MAEA: variants seen among roughly 807,000 people sequenced by gnomAD.
MAEA encodes macrophage erythroblast attacher, E3 ubiquitin ligase, also known as E3 ubiquitin-protein transferase MAEA.
MAEA carries 22 observed loss-of-function variants against 46.2 expected under a neutral mutation model. The observed-to-expected ratio is 0.48, with a 90% CI of 0.34 to 0.68. MAEA has a LOEUF of 0.68. Ranked by LOEUF, MAEA falls within the 30% of genes least tolerant of loss-of-function variation. MAEA has a pLI of 0.01. For missense variants in MAEA, 393 were observed against 558.1 expected, an observed-to-expected ratio of 0.70 and a Z score of 2.98; for synonymous variants, 246 against 222.6, an observed-to-expected ratio of 1.11 and a Z score of -0.94.
intron 1 of MAEA, among the ~76,000 whole-genome samples, chr4:1,310,912 C>G (rs1434484666): frequency 6.6e-6 from 1 of 152,242 alleles, no homozygotes; most frequent in Non-Finnish European, 1.5e-5. Flanking sequence ...CCCTGGCTGT[C>G]CCTACTTCTG....
intron 1 of MAEA, among the ~76,000 whole-genome samples, chr4:1,308,230 C>T (rs1358756438): frequency 6.6e-6 from 1 of 151,954 alleles, no homozygotes; most frequent in Non-Finnish European, 1.5e-5. Context: ...TGGAACACAT[C>T]GAAACATAGA....
At chr4:1,309,347 TG>T (rs1736145190) in intron 1 of MAEA, 1 of 1,055,214 alleles carries the variant, frequency 9.5e-7, no homozygotes, top group Non-Finnish European at 1.2e-6. Flanking sequence ...AAGGGGCTCT[TG>T]CTAACCAGCC....
At chr4:1,294,107 C>G (rs956570930) in intron 1 of MAEA, among the ~76,000 whole-genome samples, 2 of 152,212 alleles carry the variant, frequency 1.3e-5, no homozygotes, top group Non-Finnish European at 1.5e-5. Context: ...TTTCGATGTA[C>G]TTTATCTGCA....
intron 2 of MAEA, among the ~76,000 whole-genome samples, chr4:1,314,196 G>A (rs1284766008): frequency 2.7e-5 from 4 of 149,786 alleles, no homozygotes; most frequent in African/African-American, 4.9e-5. Context: ...CGGGCATGGT[G>A]TACGCCTGTG....
intron 1 of MAEA, 140 bp downstream of exon 1, chr4:1,290,122 C>G: frequency 2.7e-6 from 1 of 373,826 alleles, no homozygotes; most frequent in Non-Finnish European, 4.2e-6. Flanking sequence ...GTGCGGGCTT[C>G]TCAGGGGCGC....
In MAEA at chr4:1,315,303, T is replaced by C. The variant is rs1736985119; in HGVS notation, c.253-94T>C. 8 of 1,162,560 alleles carry C rather than the reference T, an allele frequency of 6.9e-6. No homozygotes were observed. The South Asian group carries it at 1.1e-4, about 16-fold the overall frequency. The allele number at this position is 1,162,560 out of a possible 1,614,324, so 72.0% of individuals were successfully genotyped here. A position where few individuals can be genotyped will look rare whatever the true frequency, so the allele number is the denominator to read the frequency against. On this transcript the variant is annotated intron_variant, in intron 2 of 8. Transcript: ENST00000303400. ...GTCCCGTAATCCCTGCTTTTCTCCT[T>C]GTGAGTGTTGTGGATTGGGGCAGCC...
rs568172298 is a variant in MAEA, at chr4:1,296,809, C to T, written c.69+6827C>T. Among the ~76,000 whole-genome samples, 270 of 152,260 alleles carry T rather than the reference C, an allele frequency of 1.8e-3. 1 individual carries two copies. The highest frequency in any genetic ancestry group is 5.7e-3 in the African/African-American group (235 of 41,544). ...CAGTCCACAGCGGACCCCACTGCCT[C>T]GAGACGCTCCCATCACTCGGCTCCC... On this transcript the variant is annotated intron_variant, in intron 1 of 8. Transcript: ENST00000303400.
intron 5 of MAEA, chr4:1,330,011 C>T (rs1739334778): frequency 2.0e-6 from 2 of 985,510 alleles, no homozygotes; most frequent in Non-Finnish European, 2.4e-6. Flanking sequence ...AAGGTGAGTC[C>T]TGCTGTCTGT....
chr4:1,293,042 C>A (rs958449900), intron 1 of MAEA, among the ~76,000 whole-genome samples: 3 of 151,846 alleles, frequency 2.0e-5, no homozygotes, highest in African/African-American at 7.3e-5. Flanking sequence ...TACAGGCACC[C>A]GCCACCATGC....
intron 1 of MAEA, among the ~76,000 whole-genome samples, chr4:1,308,405 G>C (rs771902785): frequency 2.0e-5 from 3 of 152,228 alleles, no homozygotes; most frequent in Non-Finnish European, 4.4e-5. Context: ...TGGCTGCCAT[G>C]AACACAGGTG....
chr4:1,315,259 AGAGCACGGTTT>A (rs1736979704), intron 2 of MAEA, 127 bp from the exon 3 acceptor site: 1 of 766,208 alleles, frequency 1.3e-6, no homozygotes, highest in East Asian at 2.7e-5. Flanking sequence ...CGGACTCGGT[AGAGCACGGTTT>A]TTTTTCTGTC....
chr4:1,329,394 A>G, intron 5 of MAEA: 4 of 985,310 alleles, frequency 4.1e-6, no homozygotes, highest in Non-Finnish European at 4.8e-6. Flanking sequence ...CCACCTCATA[A>G]TGTCTGAGCC....
chr4:1,299,193 G>T (rs1735073877), intron 1 of MAEA, among the ~76,000 whole-genome samples: 1 of 152,142 alleles, frequency 6.6e-6, no homozygotes, highest in Non-Finnish European at 1.5e-5. Context: ...GGCATATTTA[G>T]ATCTGAGCTT....
At chr4:1,314,797 G>A (rs1423885566) in intron 2 of MAEA, among the ~76,000 whole-genome samples, 3 of 152,250 alleles carry the variant, frequency 2.0e-5, no homozygotes, top group African/African-American at 7.2e-5. Context: ...CTGCACAGCA[G>A]TTGGAAGCCA....
At chr4:1,298,455 C>T (rs192142651) in intron 1 of MAEA, among the ~76,000 whole-genome samples, 8 of 133,868 alleles carry the variant, frequency 6.0e-5, no homozygotes, top group Admixed American at 5.4e-4. Context: ...TAACTGTGTG[C>T]GGGACCCACA....
chr4:1,291,708 T>A (rs1734126426), intron 1 of MAEA, among the ~76,000 whole-genome samples: 1 of 152,238 alleles, frequency 6.6e-6, no homozygotes, highest in African/African-American at 2.4e-5. Flanking sequence ...CCTTTCATTG[T>A]GTATTGAAGG....
chr4:1,323,579 A>G, intron 4 of MAEA: 4 of 702,580 alleles, frequency 5.7e-6, no homozygotes, highest in Non-Finnish European at 1.0e-5. Flanking sequence ...GGACCTTGGT[A>G]TGGAAACCCT....
intron 3 of MAEA, among the ~76,000 whole-genome samples, chr4:1,320,872 G>C (rs1028877843): frequency 1.3e-5 from 2 of 151,974 alleles, no homozygotes; most frequent in African/African-American, 4.8e-5. Flanking sequence ...AGGCCAAGGT[G>C]GGCAGATCAC....
chr4:1,315,663 C>A, intron 3 of MAEA, 63 bp downstream of exon 3: 1 of 1,538,962 alleles, frequency 6.5e-7, no homozygotes, highest in East Asian at 2.3e-5. Context: ...GCCAGCCGCC[C>A]TGTGGCATGT....
Sources: gnomAD v4.1 joint callset for allele counts (sites outside exome capture counted in the v4.1 genomes callset) on GRCh38, gnomAD v4.1.1 for gene constraint, MANE v1.5 for transcripts, NCBI Gene and HGNC (gene_info 2026-07-23, HGNC 2026-07-21) for gene names.